ARHGEF12: variants seen among roughly 807,000 people sequenced by gnomAD.
ARHGEF12 encodes the protein KMT2A/ARHGEF12 fusion protein.
Under a neutral mutation model 211.2 loss-of-function variants are expected in ARHGEF12, and 66 were observed. The ratio of observed to expected loss-of-function variants is 0.31; its 90% CI spans 0.26 to 0.38. ARHGEF12 has a LOEUF of 0.38. ARHGEF12 is among the 10% of genes least tolerant of loss of function. The pLI, the probability that ARHGEF12 is intolerant of heterozygous loss-of-function variation, is 1.00. For synonymous variants in ARHGEF12, 592 were observed against 638.4 expected (o/e 0.93, Z 1.09); for missense variants, 1,429 against 1,869.5 (o/e 0.76, Z 4.34).
chr11:120,351,975 G>A (rs1432642166), intron 1 of ARHGEF12, among the ~76,000 whole-genome samples: 2 of 152,070 alleles, frequency 1.3e-5, no homozygotes, highest in East Asian at 1.9e-4. Flanking sequence ...TCCGATGCTC[G>A]CTTTTTTGAA....
At chr11:120,341,667 CATT>C (rs1431921970) in intron 1 of ARHGEF12, among the ~76,000 whole-genome samples, 1 of 152,156 alleles carries the variant, frequency 6.6e-6, no homozygotes, top group Non-Finnish European at 1.5e-5. Flanking sequence ...GGTTGTCTGA[CATT>C]ATTAGAAATG....
chr11:120,425,915 C>G (rs567714667), intron 7 of ARHGEF12, among the ~76,000 whole-genome samples: 38 of 152,238 alleles, frequency 2.5e-4, no homozygotes, highest in East Asian at 5.8e-4. Flanking sequence ...ATCAGAATCA[C>G]TACTGTTTTA....
chr11:120,480,054 C>G lies in ARHGEF12; in HGVS notation c.3861C>G (p.Ala1287=), dbSNP rs773839894. ...AACATTTCCCAAGATACAGAACAGC[C>G]TCTCAGGGGCCGCAGACAGACAGTG... ...DWQHFPRYRT[A]SQGPQTDSVI... The change falls in exon 38 of 41, where the codon GCC becomes GCG. Residue 1287 remains alanine (A), a synonymous_variant. Transcript: ENST00000397843. 6 of 1,614,044 alleles carry G rather than the reference C, an allele frequency of 3.7e-6. No homozygotes were observed. Among genetic ancestry groups the G allele is most frequent in the Non-Finnish European group, 5.1e-6 (6 of 1,180,056 alleles).
Position 120,469,322 on chromosome 11 carries a change from T to C in ARHGEF12, c.2889T>C (p.Ala963=). The change falls in exon 30 of 41, where the codon GCT becomes GCC. Residue 963 remains alanine (A), a synonymous_variant. Transcript: ENST00000397843. ...WPTEREKVKK[A]ADHCRQILNY... ...CAGAAAGGGAGAAGGTGAAGAAAGC[T>C]GCAGATCACTGTCGTCAGATCTTAA... 6.2e-7 allele frequency: 1 copy of C among 1,613,634 alleles called. No homozygotes were observed. The highest frequency in any genetic ancestry group is 8.5e-7 in the Non-Finnish European group (1 of 1,179,748).
At chr11:120,358,962 C>T (rs950976094) in intron 1 of ARHGEF12, among the ~76,000 whole-genome samples, 2 of 152,084 alleles carry the variant, frequency 1.3e-5, no homozygotes, top group Non-Finnish European at 2.9e-5. Flanking sequence ...CTTACTCATG[C>T]TGGTCAAGTG....
rs1944690372 is a variant in ARHGEF12 at position 120,405,934 on chromosome 11, A to G, written c.33-184A>G. On this transcript the variant is annotated intron_variant, in intron 1 of 40. Coordinates refer to ENST00000397843, the MANE Select transcript of ARHGEF12 (RefSeq NM_015313.3). The stretch of plus-strand genomic sequence containing the variant: ...ATGCACTGGCAGTTTAAGATTTAAC[A>G]AAGTAGTTAAGATACTTAAACATGG... 7 of 487,654 alleles carry G rather than the reference A, an allele frequency of 1.4e-5. No individual in the cohort carries two copies. In the South Asian group the frequency reaches 2.5e-4, roughly 18 times the overall value. The allele number at this position is 487,654 out of a possible 1,614,324, so 30.2% of individuals were successfully genotyped here.
chr11:120,482,147 C>T (rs1174839281), intron 39 of ARHGEF12, among the ~76,000 whole-genome samples: 2 of 152,154 alleles, frequency 1.3e-5, no homozygotes, highest in Admixed American at 6.5e-5. Flanking sequence ...AGTTTAAGAA[C>T]CTGAAATGCT....
Position 120,480,340 on chromosome 11 carries a change from G to T in ARHGEF12, c.4147G>T (p.Asp1383Tyr), listed in dbSNP as rs752846941. The T allele has an allele frequency of 6.2e-7, 1 of 1,614,146 alleles. No individual in the cohort carries two copies. The highest frequency in any genetic ancestry group is 1.1e-5 in the South Asian group (1 of 91,058). The change falls in exon 38 of 41, where the codon GAT becomes TAT. Residue 1383 changes from aspartate to tyrosine, a missense_variant. By Grantham distance (160) the Asp-to-Tyr change is radical (BLOSUM62 -3). Around this residue, in one of 7 missense-constraint regions of ARHGEF12, gnomAD observed 467 missense variants for 468.4 expected, o/e 1.00. Transcript: ENST00000397843. ...GLDDSGEHFF[D>Y]AREAHSDENP... is the part of the protein sequence containing the mutation. ...TGATGACAGTGGAGAGCACTTTTTT[G>T]ATGCCCGTGAAGCACATAGTGATGA...
chr11:120,367,220 A>G (rs1195050331), intron 1 of ARHGEF12, among the ~76,000 whole-genome samples: 1 of 152,052 alleles, frequency 6.6e-6, no homozygotes, highest in Non-Finnish European at 1.5e-5. Flanking sequence ...GTTTGTGAAT[A>G]GTTTTGAAAT....
chr11:120,461,585 C>A (rs529003910), intron 27 of ARHGEF12, among the ~76,000 whole-genome samples: 1 of 152,116 alleles, frequency 6.6e-6, no homozygotes, highest in South Asian at 2.1e-4. Flanking sequence ...AGAGAGCTGG[C>A]CTTTCTTTTG....
intron 1 of ARHGEF12, among the ~76,000 whole-genome samples, chr11:120,348,801 A>G (rs1245451736): frequency 6.6e-6 from 1 of 152,204 alleles, no homozygotes; most frequent in East Asian, 1.9e-4. Context: ...AGATCATGCC[A>G]CTGCACTCCA....
chr11:120,467,266 A>T lies in ARHGEF12; in HGVS notation c.2812A>T (p.Thr938Ser). 6.2e-7 allele frequency: 1 copy of T among 1,613,668 alleles called. No homozygotes were observed. Among genetic ancestry groups the T allele is most frequent in the Non-Finnish European group, 8.5e-7 (1 of 1,179,738 alleles). The change falls in exon 29 of 41, where the codon ACT becomes TCT. Residue 938 changes from threonine (T) to serine (S), a missense_variant. By Grantham distance (58) the Thr-to-Ser change is moderately conservative. This residue lies in a region of ARHGEF12 where 223 missense variants were observed against 444.6 expected (regional missense o/e 0.50). Transcript: ENST00000397843. ...TATTCCCACTCAAATGCAAAGGCTT[A>T]CTAAGTACCCACTTCTGTTGGATAA... ...DIIPTQMQRL[T>S]KYPLLLDNIA... is the part of the protein sequence containing the mutation.
intron 17 of ARHGEF12, 29 bp downstream of exon 17, chr11:120,446,537 A>G (rs1946052515): frequency 2.0e-6 from 3 of 1,523,766 alleles, no homozygotes; most frequent in East Asian, 2.3e-5. Context: ...AGAATTTCAT[A>G]TGATTATTCT....
chr11:120,371,172 A>G (rs1943578784), intron 1 of ARHGEF12, among the ~76,000 whole-genome samples: 1 of 152,206 alleles, frequency 6.6e-6, no homozygotes, highest in African/African-American at 2.4e-5. Flanking sequence ...TCCCCCAACT[A>G]AAAGTATAGA....
chr11:120,372,770 G>A (rs2135416381), intron 1 of ARHGEF12, among the ~76,000 whole-genome samples: 1 of 152,162 alleles, frequency 6.6e-6, no homozygotes, highest in East Asian at 1.9e-4. Context: ...CCTTGGAAAA[G>A]TTATATAGCT....
At chr11:120,477,136 G>T in intron 34 of ARHGEF12, 83 bp from the exon 35 acceptor site, 2 of 1,032,930 alleles carry the variant, frequency 1.9e-6, no homozygotes, top group Non-Finnish European at 2.9e-6. Context: ...TTTGGTTTTT[G>T]TTTAGTTTTG....
chr11:120,442,701 G>C (rs1355682568), intron 15 of ARHGEF12, among the ~76,000 whole-genome samples: 1 of 151,964 alleles, frequency 6.6e-6, no homozygotes, highest in African/African-American at 2.4e-5. Flanking sequence ...TGTTAATAAG[G>C]TTTTTAAAGT....
In ARHGEF12 at chr11:120,485,996, T is replaced by C; in HGVS notation, c.*919T>C. The C allele has an allele frequency of 4.3e-6, 1 of 233,590 alleles. No individual in the cohort carries two copies. Among genetic ancestry groups the C allele is most frequent in the East Asian group, 6.0e-5 (1 of 16,576 alleles). The allele number at this position is 233,590 out of a possible 1,614,324, so 14.5% of individuals were successfully genotyped here. A position where few individuals can be genotyped will look rare whatever the true frequency, so the allele number is the denominator to read the frequency against. ...ATAATTATACATTAGACATTGGCACTTGTGTAAAACTGTCCCTGCAGATTG... is the reference window on the plus strand; with the variant it reads ...ATAATTATACATTAGACATTGGCACCTGTGTAAAACTGTCCCTGCAGATTG... On this transcript the variant is annotated 3_prime_UTR_variant, in exon 41 of 41. Transcript: ENST00000397843.
At chr11:120,351,691 G>A (rs909368323) in intron 1 of ARHGEF12, among the ~76,000 whole-genome samples, 7 of 151,498 alleles carry the variant, frequency 4.6e-5, no homozygotes, top group Non-Finnish European at 8.8e-5. Flanking sequence ...GGCTGGTCTC[G>A]AACTCCTGAC....
Sources: allele counts gnomAD v4.1 joint callset (sites outside exome capture counted in the v4.1 genomes callset), GRCh38; gene constraint gnomAD v4.1.1; regional missense constraint gnomAD v4.1.1; transcripts MANE v1.5; gene names NCBI Gene and HGNC (gene_info 2026-07-23, HGNC 2026-07-21).